Variants in KCNC4 observed in about 807,000 individuals in gnomAD.
The protein encoded by KCNC4 is voltage-gated potassium channel KCNC4.
KCNC4 carries 23 observed loss-of-function variants against 42.8 expected under a neutral mutation model. The observed-to-expected ratio is 0.54, with a 90% CI of 0.39 to 0.76. The LOEUF is 0.76. Among genes scored for constraint, KCNC4 ranks in the 30% least tolerant of loss-of-function variants. The pLI is 0.00. For missense variants in KCNC4, 751 were observed against 898.2 expected (o/e 0.84, Z 2.10); for synonymous variants, 422 against 393.5 (o/e 1.07, Z -0.86).
intron 1 of KCNC4, among the ~76,000 whole-genome samples, chr1:110,281,634 C>T (rs996968613): frequency 1.3e-5 from 2 of 151,754 alleles, no homozygotes; most frequent in African/African-American, 4.8e-5. Context: ...AGCTCTCATG[C>T]CTATTCTGTG....
chr1:110,232,506 G>A (rs1658747474), intron 3 of KCNC4: 1 of 1,438,524 alleles, frequency 7.0e-7, no homozygotes, highest in Non-Finnish European at 9.1e-7. Flanking sequence ...CTCCATGCAA[G>A]GCTGCAGAGC....
At chr1:110,213,599 G>A (rs1327503939) in intron 1 of KCNC4, among the ~76,000 whole-genome samples, 1 of 152,212 alleles carries the variant, frequency 6.6e-6, no homozygotes, top group Non-Finnish European at 1.5e-5. Flanking sequence ...CCGGGCTGGG[G>A]CTGCAGGCAG....
At position 110,273,619 on chromosome 1, in the gene KCNC4, T is replaced by C. The variant is rs369949754; in HGVS notation, n.31-8915T>C. ...GGCCACCCTGGCCCTCTCCAGCAAA[T>C]CGTGGAACTATGTGCTCCTGGTCAC... On this transcript the variant is annotated intron_variant and non_coding_transcript_variant, in intron 1 of 2. Coordinates refer to the KCNC4 transcript ENST00000412512. Among the ~76,000 whole-genome samples, 11 of 152,302 alleles carry C rather than the reference T, an allele frequency of 7.2e-5. No homozygotes were observed. In the South Asian group the frequency reaches 2.3e-3, roughly 32 times the overall value.
chr1:110,223,777 C>A lies in KCNC4; in HGVS notation c.1492C>A (p.Arg498=). Residue 498 remains arginine (R), a synonymous_variant, in exon 2 of 4, where the codon CGG becomes AGG. Coordinates refer to ENST00000438661, the MANE Select transcript of KCNC4 (RefSeq NM_001039574.3). This position sits in a 1 kb window ranked among gnomAD's most constrained non-coding sequence, Gnocchi z 7.5. The part of the protein sequence containing the change: ...LPKKRKKHVP[R]PAQLESPMYC... ...CAAGAAACGGAAGAAGCACGTGCCA[C>A]GGCCGGCGCAGCTGGAGTCACCCAT... 1 of 1,614,156 alleles carries A rather than the reference C, an allele frequency of 6.2e-7. No individual in the cohort carries two copies. The highest frequency in any genetic ancestry group is 8.5e-7 in the Non-Finnish European group (1 of 1,180,024).
rs1658368091 is a variant in KCNC4 at position 110,226,027 on chromosome 1, T to C, written c.1668T>C (p.Ala556=). ...CAGTGCTGTCTGATGAGGAGGGAGCTGGCCTCACCCAACCCCTGGCCTCCT... is the reference window on the plus strand; with the variant it reads ...CAGTGCTGTCTGATGAGGAGGGAGCCGGCCTCACCCAACCCCTGGCCTCCT... ...ANAVLSDEEG[A]GLTQPLASSP... is the part of the protein sequence containing the mutation. The change falls in exon 3 of 4, where the codon GCT becomes GCC. Residue 556 remains alanine (A), a synonymous_variant. Coordinates refer to ENST00000438661, the MANE Select transcript of KCNC4 (RefSeq NM_001039574.3). The C allele has an allele frequency of 5.6e-6, 9 of 1,613,316 alleles. No homozygotes were observed. The highest frequency in any genetic ancestry group is 5.9e-6 in the Non-Finnish European group (7 of 1,179,600).
chr1:110,258,223 T>A (rs1308945477), intron 1 of KCNC4, among the ~76,000 whole-genome samples: 2 of 152,202 alleles, frequency 1.3e-5, no homozygotes, highest in African/African-American at 2.4e-5. Context: ...TCCTAAGATT[T>A]ATGAAGGGTT....
chr1:110,271,633 C>G (rs1238617818), intron 1 of KCNC4, among the ~76,000 whole-genome samples: 2 of 152,150 alleles, frequency 1.3e-5, no homozygotes, highest in African/African-American at 2.4e-5. Context: ...CAGCAGACAA[C>G]TTTCTCATTC....
downstream of KCNC4, chr1:110,236,240 G>A (rs910917206): frequency 1.3e-5 from 2 of 152,206 alleles, no homozygotes; most frequent in African/African-American, 4.8e-5. Context: ...TGCATTCCAA[G>A]ATTGATGTTA....
chr1:110,231,868 C>T (rs1658711004), intron 3 of KCNC4, among the ~76,000 whole-genome samples: 1 of 152,186 alleles, frequency 6.6e-6, no homozygotes, highest in African/African-American at 2.4e-5. Flanking sequence ...GATGAGGACA[C>T]CCCTTCCCTA....
chr1:110,242,922 T>A (rs1171838575), exon 4 of KCNC4: 1 of 152,262 alleles, frequency 6.6e-6, no homozygotes, highest in Non-Finnish European at 1.5e-5. Context: ...TGCCATCGAT[T>A]TCTGGTCCAC....
At chr1:110,235,298 C>T (rs917671050), downstream of KCNC4, 3 of 152,220 alleles carry the variant, frequency 2.0e-5, no homozygotes, top group Non-Finnish European at 2.9e-5. Flanking sequence ...TAAAATTTCT[C>T]CTCCGGTAGT....
chr1:110,245,317 C>G (rs1410963097), exon 4 of KCNC4: 2 of 152,220 alleles, frequency 1.3e-5, no homozygotes, highest in Non-Finnish European at 2.9e-5. Flanking sequence ...TTGTGGAGCT[C>G]AGTTTTAAAC....
At chr1:110,229,114 C>T (rs1231206863) in intron 3 of KCNC4, 2 of 152,274 alleles carry the variant, frequency 1.3e-5, no homozygotes, top group Admixed American at 6.5e-5. Flanking sequence ...AATGTATTTC[C>T]ATTCCTCATA....
intron 2 of KCNC4, chr1:110,224,467 G>A (rs114576125): frequency 6.0e-4 from 92 of 154,166 alleles, no homozygotes; most frequent in African/African-American, 2.0e-3. Context: ...ATGTGATAAC[G>A]TAATAGCAGT....
intron 2 of KCNC4, chr1:110,225,699 T>TG (rs1658350986): frequency 7.8e-6 from 3 of 382,798 alleles, no homozygotes; most frequent in Middle Eastern, 1.3e-3. Flanking sequence ...CAGGCAGATT[T>TG]GGGGAGTCAC....
exon 4 of KCNC4, chr1:110,241,625 A>C (rs1203792699): frequency 6.6e-6 from 1 of 152,202 alleles, no homozygotes; most frequent in Admixed American, 6.5e-5. Flanking sequence ...GTGATATGCA[A>C]TGGAGGCTGC....
At chr1:110,226,542 C>T (rs1658406186) in intron 3 of KCNC4, among the ~76,000 whole-genome samples, 1 of 152,184 alleles carries the variant, frequency 6.6e-6, no homozygotes, top group Admixed American at 6.5e-5. Context: ...CAGCCTCTCC[C>T]TAGGCCTCCC....
At chr1:110,270,561 AG>A (rs1390358108) in intron 1 of KCNC4, among the ~76,000 whole-genome samples, 1 of 152,200 alleles carries the variant, frequency 6.6e-6, no homozygotes, top group Non-Finnish European at 1.5e-5. Context: ...GAACTTCTTT[AG>A]GGAGATAAGC....
chr1:110,245,589 C>T (rs568662511), exon 4 of KCNC4: 26 of 152,334 alleles, frequency 1.7e-4, no homozygotes, highest in Admixed American at 8.5e-4. Context: ...CCACTCTCTT[C>T]CAAGACTAGC....
Sources: allele counts gnomAD v4.1 joint callset (sites outside exome capture counted in the v4.1 genomes callset), GRCh38; gene constraint gnomAD v4.1.1; non-coding constraint Gnocchi (gnomAD v3.1); transcripts MANE v1.5; gene names NCBI Gene and HGNC (gene_info 2026-07-23, HGNC 2026-07-21).